The following SEC14L5 variants were observed in gnomAD, a reference collection of about 807,000 sequenced individuals.
The protein encoded by SEC14L5 is SEC14-like protein 5.
Under a neutral mutation model 84.6 loss-of-function variants are expected in SEC14L5, and 96 were observed. The ratio of observed to expected loss-of-function variants is 1.13; its 90% CI spans 0.96 to 1.34. The LOEUF (loss-of-function observed/expected upper bound fraction) is 1.34, where lower values mean the gene tolerates loss of function less well. Among genes scored for constraint, SEC14L5 ranks in the 40% most tolerant of loss-of-function variants. The pLI is 0.00. For missense variants in SEC14L5, 1,224 were observed against 942.5 expected (o/e 1.30, Z -3.91); for synonymous variants, 546 against 383.4 (o/e 1.42, Z -4.95).
chr16:5,008,420 G>C lies in SEC14L5; in HGVS notation c.1573-1G>C, dbSNP rs1189372232. 3.7e-6 allele frequency: 6 copies of C among 1,606,918 alleles called. No homozygotes were observed. The East Asian group carries it at 1.3e-4, about 36-fold the overall frequency. ...CTCAGACCTCGCCTGTCTCCACACA[G>C]GTGGCCGTGGAGATCCTGGAAGGAG... On this transcript the variant is annotated splice_acceptor_variant, in intron 13 of 15. Transcript: ENST00000251170. LOFTEE classifies it high-confidence loss of function.
chr16:5,014,415 G>A (rs182257554), intron 15 of SEC14L5, among the ~76,000 whole-genome samples: 4 of 152,360 alleles, frequency 2.6e-5, no homozygotes, highest in East Asian at 1.9e-4. Flanking sequence ...CGAGGATGGC[G>A]CTGCCCTGAG....
At chr16:4,998,092 C>T (rs1955631349) in intron 8 of SEC14L5, among the ~76,000 whole-genome samples, 1 of 151,392 alleles carries the variant, frequency 6.6e-6, no homozygotes, top group South Asian at 2.1e-4. Flanking sequence ...CAACTCCGCC[C>T]CCCGCCAGGT....
At position 4,977,401 on chromosome 16, in the gene SEC14L5, C is replaced by T. The variant is rs551677902; in HGVS notation, c.64-10156C>T. ...GGCGGAGGCGGCAGTGAGCTGAGAT[C>T]GTGCCATTGCACTCCAGCCTAGGCG... On this transcript the variant is annotated intron_variant, in intron 2 of 15. Transcript: ENST00000251170. 5.2e-5 allele frequency among the ~76,000 whole-genome samples: 6 copies of T among 114,806 alleles called. No homozygotes were observed. The East Asian group carries it at 1.2e-3, about 23-fold the overall frequency. 75.3% of individuals were successfully genotyped at this position (114,806 alleles called of 152,430 possible).
At chr16:4,968,615 T>A (rs1368712623) in intron 2 of SEC14L5, among the ~76,000 whole-genome samples, 1 of 152,248 alleles carries the variant, frequency 6.6e-6, no homozygotes, top group African/African-American at 2.4e-5. Flanking sequence ...TGAGCCACTG[T>A]ACCTGGCCTT....
At chr16:5,005,473 G>A (rs1955720173) in intron 11 of SEC14L5, among the ~76,000 whole-genome samples, 1 of 152,036 alleles carries the variant, frequency 6.6e-6, no homozygotes, top group African/African-American at 2.4e-5. Context: ...AGGTAGAGGT[G>A]CTGGCTGCAC....
chr16:5,014,322 G>A (rs751380975), intron 15 of SEC14L5, among the ~76,000 whole-genome samples: 3 of 152,172 alleles, frequency 2.0e-5, no homozygotes, highest in Admixed American at 6.5e-5. Flanking sequence ...GCCGAGTCAC[G>A]AGGATCTCCT....
At chr16:4,976,195 A>G (rs1198213479) in intron 2 of SEC14L5, among the ~76,000 whole-genome samples, 1 of 152,246 alleles carries the variant, frequency 6.6e-6, no homozygotes, top group South Asian at 2.1e-4. Flanking sequence ...TCTGACAAGT[A>G]GCAAGGTAGC....
chr16:5,003,949 C>A (rs1021131124), intron 11 of SEC14L5, among the ~76,000 whole-genome samples: 3 of 152,328 alleles, frequency 2.0e-5, no homozygotes, highest in African/African-American at 7.2e-5. Context: ...ATATTGTAAC[C>A]CGGTGGGTAC....
rs141444305 is a variant in SEC14L5, at chr16:4,978,936, A to C, written c.64-8621A>C. 1.3e-3 allele frequency among the ~76,000 whole-genome samples: 192 copies of C among 151,956 alleles called. No homozygotes were observed. In the Middle Eastern group the frequency reaches 0.027, roughly 22 times the overall value. ...TTTTATGTAGAGATGAGGTCTCACTATTTTGCCCAGGCTGGTCTCGAAGTC... is the reference window on the plus strand; with the variant it reads ...TTTTATGTAGAGATGAGGTCTCACTCTTTTGCCCAGGCTGGTCTCGAAGTC... On this transcript the variant is annotated intron_variant, in intron 2 of 15. Coordinates refer to ENST00000251170, the MANE Select transcript of SEC14L5 (RefSeq NM_014692.2).
chr16:4,992,747 G>T (rs1298533832), intron 6 of SEC14L5, among the ~76,000 whole-genome samples: 1 of 152,182 alleles, frequency 6.6e-6, no homozygotes, highest in Non-Finnish European at 1.5e-5. Flanking sequence ...GATGTAAGAA[G>T]TACGATTCTT....
intron 2 of SEC14L5, among the ~76,000 whole-genome samples, chr16:4,966,423 G>A (rs886674925): frequency 2.6e-5 from 4 of 151,754 alleles, no homozygotes; most frequent in Non-Finnish European, 4.4e-5. Flanking sequence ...ACAAGTGCCC[G>A]CCACCATGCC....
intron 2 of SEC14L5, among the ~76,000 whole-genome samples, chr16:4,968,314 G>A (rs1955232757): frequency 6.6e-6 from 1 of 151,286 alleles, no homozygotes; most frequent in Non-Finnish European, 1.5e-5. Flanking sequence ...CGAGTAGCTG[G>A]GATTACAGGC....
In SEC14L5 at chr16:5,017,729, G is replaced by A. The variant is rs1216107532; in HGVS notation, c.*2759G>A. On this transcript the variant is annotated 3_prime_UTR_variant, in exon 16 of 16. Coordinates refer to ENST00000251170, the MANE Select transcript of SEC14L5 (RefSeq NM_014692.2). ...GACCACAGAACCAGCAGGTATCCATGGTGGCATCTGCTACGGCCGGCTCTC... is the reference window on the plus strand; with the variant it reads ...GACCACAGAACCAGCAGGTATCCATAGTGGCATCTGCTACGGCCGGCTCTC... 2 of 152,186 alleles carry A rather than the reference G, an allele frequency of 1.3e-5. No homozygotes were observed. Among genetic ancestry groups the A allele is most frequent in the Admixed American group, 1.3e-4 (2 of 15,270 alleles). 9.4% of individuals were successfully genotyped at this position (152,186 alleles called of 1,614,324 possible).
intron 15 of SEC14L5, among the ~76,000 whole-genome samples, chr16:5,011,956 A>C (rs1715087232): frequency 6.6e-6 from 1 of 152,164 alleles, no homozygotes; most frequent in African/African-American, 2.4e-5. Flanking sequence ...ATGATTTTGC[A>C]CCCTGCTTCA....
At chr16:4,988,351 C>T in intron 4 of SEC14L5, 71 bp downstream of exon 4, 2 of 1,559,988 alleles carry the variant, frequency 1.3e-6, no homozygotes, top group Non-Finnish European at 1.7e-6. Flanking sequence ...GTGCCCAGAG[C>T]TGTGTCCCCA....
At chr16:4,958,997 G>T (rs1955086607) in intron 1 of SEC14L5, among the ~76,000 whole-genome samples, 1 of 151,868 alleles carries the variant, frequency 6.6e-6, no homozygotes, top group Non-Finnish European at 1.5e-5. Context: ...TGGCCGTAAG[G>T]CTTCTGGGGG....
chr16:4,992,979 G>C (rs1200654451), intron 6 of SEC14L5, among the ~76,000 whole-genome samples: 1 of 151,968 alleles, frequency 6.6e-6, no homozygotes, highest in Non-Finnish European at 1.5e-5. Context: ...CTGTATCAGT[G>C]CCTATGTCTT....
chr16:5,004,009 C>G (rs965747246), intron 11 of SEC14L5, among the ~76,000 whole-genome samples: 3 of 152,270 alleles, frequency 2.0e-5, no homozygotes, highest in African/African-American at 7.2e-5. Context: ...CGCCCACACA[C>G]ACACTCCTCT....
chr16:5,003,332 C>T, intron 10 of SEC14L5, 70 bp from the exon 11 acceptor site: 1 of 1,254,732 alleles, frequency 8.0e-7, no homozygotes, highest in Non-Finnish European at 1.2e-6. Context: ...TGTTCATCCC[C>T]TGTGGGGAGG....
Sources: allele counts gnomAD v4.1 joint callset (sites outside exome capture counted in the v4.1 genomes callset), GRCh38; gene constraint gnomAD v4.1.1; transcripts MANE v1.5; gene names NCBI Gene and HGNC (gene_info 2026-07-23, HGNC 2026-07-21).